The following SMOC1 variants were observed in gnomAD, a reference collection of about 807,000 sequenced individuals.
The protein encoded by SMOC1 is SPARC-related modular calcium-binding protein 1.
A neutral mutation model predicts 56.3 loss-of-function variants in SMOC1; 22 were observed. That is an observed-to-expected ratio of 0.39 (90% CI 0.28 to 0.56). The LOEUF (loss-of-function observed/expected upper bound fraction) is 0.56. SMOC1 is among the 20% of genes least tolerant of loss of function. The pLI, the probability that SMOC1 is intolerant of heterozygous loss-of-function variation, is 0.61. For synonymous variants in SMOC1, 193 were observed against 215.0 expected (o/e 0.90, Z 0.89); for missense variants, 509 against 565.4 (o/e 0.90, Z 1.01).
intron 1 of SMOC1, among the ~76,000 whole-genome samples, chr14:69,940,081 C>G (rs946126374): frequency 4.6e-5 from 7 of 152,196 alleles, no homozygotes; most frequent in African/African-American, 1.4e-4. Context: ...TCTGCATCTC[C>G]CACTTTGTCC....
At chr14:70,023,829 A>ATGTGTGTGTG (rs57688603) in intron 11 of SMOC1, among the ~76,000 whole-genome samples, 12 of 144,944 alleles carry the variant, frequency 8.3e-5, no homozygotes, top group African/African-American at 2.5e-4. Context: ...GAGTGTGTGT[A>ATGTGTGTGTG]TGTGTGTGTG....
At chr14:69,963,394 G>T (rs535653261) in intron 3 of SMOC1, among the ~76,000 whole-genome samples, 2 of 152,258 alleles carry the variant, frequency 1.3e-5, no homozygotes, top group Admixed American at 6.5e-5. Flanking sequence ...GATGAGCATT[G>T]TATATCTCTA....
chr14:70,026,617 G>C (rs1222820020), intron 11 of SMOC1, among the ~76,000 whole-genome samples: 3 of 152,176 alleles, frequency 2.0e-5, no homozygotes, highest in Non-Finnish European at 4.4e-5. Flanking sequence ...AGGCCCCTAG[G>C]GTGCTTTGGA....
intron 1 of SMOC1, among the ~76,000 whole-genome samples, chr14:69,925,767 A>C (rs978664641): frequency 6.6e-6 from 1 of 152,204 alleles, no homozygotes; most frequent in Non-Finnish European, 1.5e-5. Flanking sequence ...GGAGGGGTTC[A>C]CTGTAGACCA....
At position 69,907,808 on chromosome 14, in the gene SMOC1, C is replaced by A. The variant is rs150379390; in HGVS notation, c.99+28031C>A. ...TGCCAACAAGTGTCTGGTGAGTTTC[C>A]TTATCTATAAGGTTCCTTATAGAGA... On this transcript the variant is annotated intron_variant, in intron 1 of 11. Transcript: ENST00000361956. 2.0e-5 allele frequency among the ~76,000 whole-genome samples: 3 copies of A among 152,280 alleles called. No homozygotes were observed. The East Asian group carries it at 5.8e-4, about 29-fold the overall frequency.
chr14:69,955,793 G>C (rs1331509535), intron 3 of SMOC1, among the ~76,000 whole-genome samples: 1 of 152,174 alleles, frequency 6.6e-6, no homozygotes, highest in African/African-American at 2.4e-5. Context: ...AAAAGAATGT[G>C]GGTGATCTTT....
chr14:69,959,002 T>C (rs12881989), intron 3 of SMOC1, among the ~76,000 whole-genome samples: 75,021 of 151,978 alleles, frequency 0.49, 19,791 homozygotes, highest in African/African-American at 0.68. Context: ...TCTGACAATA[T>C]GGAAGTATAT....
intron 7 of SMOC1, among the ~76,000 whole-genome samples, chr14:70,000,913 C>T (rs562290620): frequency 2.6e-4 from 40 of 152,320 alleles, no homozygotes; most frequent in South Asian, 2.5e-3. Context: ...CCTCGGCCAA[C>T]GTCAGGGATA....
chr14:69,985,538 A>G (rs1884334938), intron 5 of SMOC1, among the ~76,000 whole-genome samples: 1 of 152,238 alleles, frequency 6.6e-6, no homozygotes, highest in African/African-American at 2.4e-5. Flanking sequence ...GTGGCACAGT[A>G]GTACTGCCCT....
chr14:69,929,707 G>T (rs1885109613), intron 1 of SMOC1, among the ~76,000 whole-genome samples: 1 of 152,188 alleles, frequency 6.6e-6, no homozygotes, highest in Non-Finnish European at 1.5e-5. Flanking sequence ...GGAGGGATAT[G>T]ATCTCCCGGG....
At chr14:69,919,784 T>G (rs1884783639) in intron 1 of SMOC1, among the ~76,000 whole-genome samples, 1 of 152,168 alleles carries the variant, frequency 6.6e-6, no homozygotes. Context: ...AGAGGTAGAC[T>G]TTTCAAAAAA....
chr14:69,995,004 A>G (rs999697254), intron 7 of SMOC1, among the ~76,000 whole-genome samples: 6 of 152,214 alleles, frequency 3.9e-5, no homozygotes, highest in Admixed American at 1.3e-4. Flanking sequence ...TTTAATAACA[A>G]TAAAGACCAG....
At chr14:69,905,562 G>A (rs916770887) in intron 1 of SMOC1, among the ~76,000 whole-genome samples, 1 of 152,100 alleles carries the variant, frequency 6.6e-6, no homozygotes, top group Non-Finnish European at 1.5e-5. Flanking sequence ...TAGTTTGGAG[G>A]GGGTGCAAGA....
chr14:69,981,818 G>A (rs996385251), intron 5 of SMOC1, among the ~76,000 whole-genome samples: 8 of 152,168 alleles, frequency 5.3e-5, no homozygotes, highest in African/African-American at 1.9e-4. Context: ...TTTCTGATGT[G>A]ACTCTTTTTG....
chr14:70,013,974 T>C (rs1295971983), intron 10 of SMOC1, among the ~76,000 whole-genome samples: 1 of 152,204 alleles, frequency 6.6e-6, no homozygotes, highest in Non-Finnish European at 1.5e-5. Flanking sequence ...TATAGCCAAA[T>C]ACAGCTCAGG....
intron 6 of SMOC1, among the ~76,000 whole-genome samples, chr14:69,993,418 C>CT (rs1192938806): frequency 6.6e-6 from 1 of 152,110 alleles, no homozygotes; most frequent in African/African-American, 2.4e-5. Flanking sequence ...AGTGAAGTCT[C>CT]TAAAGTATGA....
chr14:69,950,728 T>C (rs975592903), intron 1 of SMOC1, among the ~76,000 whole-genome samples: 4 of 152,186 alleles, frequency 2.6e-5, no homozygotes, highest in African/African-American at 9.7e-5. Context: ...GCTCATGGAT[T>C]GTAATAGCCC....
At chr14:69,978,122 G>A (rs1230982483) in intron 5 of SMOC1, 157 bp downstream of exon 5, 7 of 717,530 alleles carry the variant, frequency 9.8e-6, no homozygotes, top group East Asian at 2.7e-5. Flanking sequence ...TGAAGCACCC[G>A]AGGTAAGTAA....
chr14:69,936,384 G>T (rs1409212790), intron 1 of SMOC1, among the ~76,000 whole-genome samples: 1 of 152,226 alleles, frequency 6.6e-6, no homozygotes, highest in African/African-American at 2.4e-5. Flanking sequence ...CTGGGTAGAC[G>T]CTGCCCGAGA....
Sources: gnomAD v4.1 joint callset for allele counts (sites outside exome capture counted in the v4.1 genomes callset) on GRCh38, gnomAD v4.1.1 for gene constraint, MANE v1.5 for transcripts, NCBI Gene and HGNC (gene_info 2026-07-23, HGNC 2026-07-21) for gene names.